Variants in ASPH observed in about 807,000 individuals in gnomAD.
The protein encoded by ASPH is aspartyl/asparaginyl beta-hydroxylase.
A neutral mutation model predicts 118.4 loss-of-function variants in ASPH; 100 were observed. That is an observed-to-expected ratio of 0.84 (90% CI 0.72 to 1.00). The LOEUF (loss-of-function observed/expected upper bound fraction) is 1.00, where lower values mean the gene tolerates loss of function less well. Ranked by LOEUF, ASPH falls within the 50% of genes least tolerant of loss-of-function variation. The pLI is 0.00. For missense variants in ASPH, 920 were observed against 919.5 expected, an observed-to-expected ratio of 1.00 and a Z score of -0.01; for synonymous variants, 315 against 325.6, an observed-to-expected ratio of 0.97 and a Z score of 0.35.
At chr8:61,559,268 C>T (rs911556979) in intron 18 of ASPH, among the ~76,000 whole-genome samples, 6 of 152,180 alleles carry the variant, frequency 3.9e-5, no homozygotes, top group East Asian at 1.9e-4. Flanking sequence ...AGTACATATA[C>T]AAAATATGCG....
chr8:61,651,345 A>C, intron 4 of ASPH: 1 of 377,236 alleles, frequency 2.7e-6, no homozygotes, highest in Non-Finnish European at 4.7e-6. Flanking sequence ...AAGCATTAAA[A>C]TACTTTCAAT....
Position 61,541,204 on chromosome 8 carries a change from T to TA in ASPH, c.1764+6866dup, listed in dbSNP as rs60068220. 8.8e-3 allele frequency among the ~76,000 whole-genome samples: 1,316 copies of TA among 150,342 alleles called. 15 individuals carry two copies. The highest frequency in any genetic ancestry group is 0.029 in the African/African-American group (1,175 of 41,000). The stretch of plus-strand genomic sequence containing the variant: ...ATAAGAGTAAAGATATAATTCATAT[T>TA]AAAAAAAAAATTAGCCGGGCATGGT... On this transcript the variant is annotated intron_variant, in intron 21 of 24. Coordinates refer to ENST00000379454, the MANE Select transcript of ASPH (RefSeq NM_004318.4).
chr8:61,529,365 C>G (rs1816708090), intron 21 of ASPH, among the ~76,000 whole-genome samples: 2 of 152,198 alleles, frequency 1.3e-5, no homozygotes, highest in South Asian at 4.1e-4. Flanking sequence ...GAGCAACATG[C>G]TCCCTGGTGA....
intron 22 of ASPH, among the ~76,000 whole-genome samples, chr8:61,521,400 A>G (rs911712991): frequency 7.4e-6 from 1 of 135,522 alleles, no homozygotes; most frequent in Non-Finnish European, 1.5e-5. Context: ...TCCTAGTAAC[A>G]ACCCCATACT....
chr8:61,595,349 C>T (rs66795450), intron 14 of ASPH, among the ~76,000 whole-genome samples: 42,534 of 151,958 alleles, frequency 0.28, 7,290 homozygotes, highest in African/African-American at 0.47. Context: ...GATGTATTAC[C>T]CAATAGAGAA....
At chr8:61,545,799 C>T (rs1229792471) in intron 21 of ASPH, among the ~76,000 whole-genome samples, 1 of 152,172 alleles carries the variant, frequency 6.6e-6, no homozygotes, top group Non-Finnish European at 1.5e-5. Flanking sequence ...GAAACTAATC[C>T]TTTTCTGGCT....
chr8:61,708,270 A>G (rs1380180532), intron 1 of ASPH, among the ~76,000 whole-genome samples: 2 of 152,228 alleles, frequency 1.3e-5, no homozygotes, highest in African/African-American at 4.8e-5. Flanking sequence ...TCTCTGCCAA[A>G]AAGCAAATCC....
rs1221004547 is a variant in ASPH, at chr8:61,518,137, CAT to C, written c.1901-16_1901-15del. On this transcript the variant is annotated splice_polypyrimidine_tract_variant and intron_variant, in intron 22 of 24. Transcript: ENST00000379454. ...CATTTCTTCTTCCTAGAATAAATAA[CAT>C]AATTGTTGGAAACAAATCACAGTAA... is the stretch of plus-strand genomic sequence containing the variant. 6 of 1,605,088 alleles carry C rather than the reference CAT, an allele frequency of 3.7e-6. No individual in the cohort carries two copies. The highest frequency in any genetic ancestry group is 5.1e-6 in the Non-Finnish European group (6 of 1,172,200).
chr8:61,505,927 C>T (rs937029787), intron 24 of ASPH, among the ~76,000 whole-genome samples: 5 of 152,094 alleles, frequency 3.3e-5, no homozygotes, highest in Admixed American at 3.3e-4. Flanking sequence ...AGTGTTGTCA[C>T]CGGGATTAAG....
intron 1 of ASPH, among the ~76,000 whole-genome samples, chr8:61,713,961 G>A (rs1838716157): frequency 6.6e-6 from 1 of 152,194 alleles, no homozygotes; most frequent in Non-Finnish European, 1.5e-5. Flanking sequence ...TCAATTCCAC[G>A]GAAAGCCAAG....
intron 14 of ASPH, among the ~76,000 whole-genome samples, chr8:61,608,806 CT>C (rs56789257): frequency 0.022 from 3,355 of 152,226 alleles, 115 homozygotes; most frequent in African/African-American, 0.075. Flanking sequence ...TGTCTGAACT[CT>C]CCCCCATGTG....
At chr8:61,668,777 CAAGT>C (rs1473837042) in intron 3 of ASPH, among the ~76,000 whole-genome samples, 3 of 152,154 alleles carry the variant, frequency 2.0e-5, no homozygotes, top group Admixed American at 2.0e-4. Context: ...ATTATACAAG[CAAGT>C]AAGAATGACA....
In ASPH at chr8:61,567,257, G is replaced by A. The variant is rs1165452346; in HGVS notation, c.1211C>T (p.Thr404Ile). The A allele has an allele frequency of 6.2e-7, 1 of 1,613,978 alleles. No individual in the cohort carries two copies. Among genetic ancestry groups the A allele is most frequent in the South Asian group, 1.1e-5 (1 of 91,082 alleles). Residue 404 changes from threonine to isoleucine, a missense_variant, in exon 17 of 25, where the codon ACC becomes ATC. Thr to Ile is a moderately conservative substitution (Grantham distance 89). Transcript: ENST00000379454. The part of the protein sequence containing the change: ...SNEVLRGAIE[T>I]YQEVASLPDV... ...AGGTAGGCTGGCCACCTCTTGGTAGGTCTCGATGGCTCCACGTAGCACCTC... is the reference window on the plus strand; with the variant it reads ...AGGTAGGCTGGCCACCTCTTGGTAGATCTCGATGGCTCCACGTAGCACCTC...
chr8:61,595,598 A>G (rs1391625727), intron 14 of ASPH, among the ~76,000 whole-genome samples: 1 of 152,238 alleles, frequency 6.6e-6, no homozygotes, highest in Non-Finnish European at 1.5e-5. Flanking sequence ...CTTGTGAGAA[A>G]CTGTATATCA....
intron 5 of ASPH, 37 bp downstream of exon 5, chr8:61,651,013 T>G: frequency 6.4e-7 from 1 of 1,560,424 alleles, no homozygotes; most frequent in South Asian, 1.2e-5. Context: ...AGCGTTATTT[T>G]AGTAACTCAA....
intron 10 of ASPH, among the ~76,000 whole-genome samples, chr8:61,642,543 T>G (rs1464067058): frequency 6.6e-6 from 1 of 152,172 alleles, no homozygotes; most frequent in African/African-American, 2.4e-5. Context: ...ATAGGTATAT[T>G]TTAAAACAAG....
chr8:61,689,725 G>C (rs772709925), intron 1 of ASPH: 1 of 1,555,128 alleles, frequency 6.4e-7, no homozygotes, highest in Non-Finnish European at 8.7e-7. Context: ...AAATGCTAAA[G>C]TAAAACAAAA....
chr8:61,559,948 G>C (rs1024827295), intron 18 of ASPH, among the ~76,000 whole-genome samples: 5 of 152,100 alleles, frequency 3.3e-5, no homozygotes, highest in Admixed American at 1.3e-4. Flanking sequence ...GGTTGGGGGG[G>C]GGAGCAAGCT....
Position 61,676,062 on chromosome 8 carries a change from C to G in ASPH, c.322+4906G>C, listed in dbSNP as rs753449450. 82 of 1,598,758 alleles carry G rather than the reference C, an allele frequency of 5.1e-5. 1 individual carries two copies. The highest frequency in any genetic ancestry group is 2.5e-5 in the Non-Finnish European group (29 of 1,179,414). On this transcript the variant is annotated intron_variant, in intron 3 of 24. Coordinates refer to ENST00000379454, the MANE Select transcript of ASPH (RefSeq NM_004318.4). ...GTGTTCATTAGCCAATGACTTCAGT[C>G]CCTGAATCAAGGTTACTGGTTATGT...
Sources: allele counts gnomAD v4.1 joint callset (sites outside exome capture counted in the v4.1 genomes callset), GRCh38; gene constraint gnomAD v4.1.1; transcripts MANE v1.5; gene names NCBI Gene and HGNC (gene_info 2026-07-23, HGNC 2026-07-21).